The following DLGAP1 variants were observed in gnomAD, a reference collection of about 807,000 sequenced individuals.
The protein encoded by DLGAP1 is DLG associated protein 1.
A neutral mutation model predicts 90.8 loss-of-function variants in DLGAP1; 11 were observed. That is an observed-to-expected ratio of 0.12 (90% confidence interval 0.08 to 0.20). The LOEUF (loss-of-function observed/expected upper bound fraction) is 0.20, where lower values mean the gene tolerates loss of function less well. Ranked by LOEUF, DLGAP1 falls within the 10% of genes least tolerant of loss-of-function variation. DLGAP1 has a pLI of 1.00. For synonymous variants in DLGAP1, 558 were observed against 540.7 expected (o/e 1.03, Z -0.44); for missense variants, 1,050 against 1,333.8 (o/e 0.79, Z 3.31).
At chr18:4,212,234 A>G (rs1013694377) in intron 1 of DLGAP1, among the ~76,000 whole-genome samples, 1 of 152,114 alleles carries the variant, frequency 6.6e-6, no homozygotes, top group Non-Finnish European at 1.5e-5. Context: ...ATCAAACTCA[A>G]TGACTTTGAG....
intron 1 of DLGAP1, among the ~76,000 whole-genome samples, chr18:4,368,944 A>G: frequency 6.6e-6 from 1 of 152,158 alleles, no homozygotes; most frequent in Non-Finnish European, 1.5e-5. Flanking sequence ...TCTATGGCAA[A>G]TATCGATGAG....
At position 3,879,355 on chromosome 18, in the gene DLGAP1, C is replaced by T. The variant is rs760517668; in HGVS notation, c.714G>A (p.Glu238=). Residue 238 remains glutamate, a synonymous_variant, in exon 4 of 13, where the codon GAG becomes GAA. Transcript: ENST00000315677. The surrounding 1 kb of genome is among the most constrained non-coding windows in gnomAD (Gnocchi z 6.6). ...CCTGCTCGCTGATGGTGTTGTAGGC[C>T]TCCAGGAAGTACTGTGAGGCCGAGC... ...PDRSASQYFL[E]AYNTISEQAV... The T allele has an allele frequency of 1.9e-6, 3 of 1,612,838 alleles. No homozygotes were observed. Among genetic ancestry groups the T allele is most frequent in the Non-Finnish European group, 2.5e-6 (3 of 1,179,470 alleles).
rs1422769442 is a variant in DLGAP1, at chr18:3,869,151, TGC to T, written c.957+9959_957+9960del. On this transcript the variant is annotated intron_variant, in intron 4 of 12. Coordinates refer to ENST00000315677, the MANE Select transcript of DLGAP1 (RefSeq NM_004746.4). ...TATGAAAACAAAAGCAAGTGTGTATTGCGTTTTTTTTTTTTTTCCCTGTATGA... is the reference window on the plus strand; with the variant it reads ...TATGAAAACAAAAGCAAGTGTGTATTGTTTTTTTTTTTTTTCCCTGTATGA... Among the ~76,000 whole-genome samples, 89 of 145,254 alleles carry T rather than the reference TGC, an allele frequency of 6.1e-4. 1 individual carries two copies. Among genetic ancestry groups the T allele is most frequent in the African/African-American group, 1.9e-3 (73 of 37,550 alleles).
At chr18:4,151,025 A>T (rs555851558) in intron 2 of DLGAP1, among the ~76,000 whole-genome samples, 155 bp downstream of exon 2, 1 of 152,236 alleles carries the variant, frequency 6.6e-6, no homozygotes. Flanking sequence ...TAAATTCAAC[A>T]GACTGTTAAT....
intron 1 of DLGAP1, among the ~76,000 whole-genome samples, chr18:4,301,557 A>G (rs554792262): frequency 2.0e-5 from 3 of 152,240 alleles, no homozygotes; most frequent in African/African-American, 7.2e-5. Flanking sequence ...GTGGACACAC[A>G]GGTTGATTCC....
intron 1 of DLGAP1, among the ~76,000 whole-genome samples, chr18:4,374,585 A>T (rs1341122314): frequency 2.0e-5 from 3 of 152,148 alleles, no homozygotes; most frequent in African/African-American, 7.2e-5. Flanking sequence ...TAGTTTAAAG[A>T]TTCTCATTTT....
intron 1 of DLGAP1, among the ~76,000 whole-genome samples, chr18:4,430,151 ATT>A (rs2083252796): frequency 6.6e-6 from 1 of 152,162 alleles, no homozygotes; most frequent in Non-Finnish European, 1.5e-5. Flanking sequence ...CACATGGGGT[ATT>A]TCAATGTTGC....
chr18:3,689,090 T>C (rs893771155), intron 7 of DLGAP1, among the ~76,000 whole-genome samples: 3 of 152,210 alleles, frequency 2.0e-5, no homozygotes, highest in Non-Finnish European at 4.4e-5. Context: ...ACAATGTTTT[T>C]GCACACTAAA....
chr18:3,803,208 T>A (rs1226871144), intron 5 of DLGAP1, among the ~76,000 whole-genome samples: 1 of 152,170 alleles, frequency 6.6e-6, no homozygotes, highest in Non-Finnish European at 1.5e-5. Context: ...CCTAGCATTG[T>A]GGAGTGGCTC....
intron 1 of DLGAP1, among the ~76,000 whole-genome samples, chr18:4,213,856 A>G (rs549919225): frequency 6.6e-6 from 1 of 152,268 alleles, no homozygotes; most frequent in Admixed American, 6.5e-5. Flanking sequence ...GAAAATTAAC[A>G]TAGTAAGTGG....
intron 1 of DLGAP1, among the ~76,000 whole-genome samples, chr18:4,231,288 G>C (rs1568462526): frequency 1.3e-5 from 2 of 152,194 alleles, no homozygotes; most frequent in East Asian, 3.9e-4. Flanking sequence ...TTTTCTTATG[G>C]TGTTTGCTCT....
At chr18:3,919,143 C>T (rs990581071) in intron 3 of DLGAP1, among the ~76,000 whole-genome samples, 1 of 152,154 alleles carries the variant, frequency 6.6e-6, no homozygotes, top group African/African-American at 2.4e-5. Context: ...CTTTTTCTGG[C>T]GCTTAGTTTC....
intron 10 of DLGAP1, among the ~76,000 whole-genome samples, chr18:3,521,512 C>T (rs1286790823): frequency 6.6e-6 from 1 of 152,180 alleles, no homozygotes; most frequent in Admixed American, 6.5e-5. Flanking sequence ...AAGCACTAAG[C>T]TGAGACTGTC....
At chr18:3,904,647 T>C (rs2071856557) in intron 3 of DLGAP1, among the ~76,000 whole-genome samples, 1 of 152,224 alleles carries the variant, frequency 6.6e-6, no homozygotes, top group Admixed American at 6.5e-5. Context: ...TTCCTATAGT[T>C]TAACCACTTA....
chr18:3,691,009 G>GGT (rs1157122250), intron 7 of DLGAP1, among the ~76,000 whole-genome samples: 5 of 152,340 alleles, frequency 3.3e-5, no homozygotes, highest in Admixed American at 6.5e-5. Flanking sequence ...ATAGGTGGAA[G>GGT]GTGTATATAA....
intron 4 of DLGAP1, chr18:3,874,738 A>C (rs1478073339): frequency 1.3e-6 from 2 of 1,519,936 alleles, no homozygotes; most frequent in African/African-American, 1.4e-5. Context: ...ACAGACAGTC[A>C]CTGGCAGCGG....
intron 1 of DLGAP1, among the ~76,000 whole-genome samples, chr18:4,400,656 T>C (rs1315987376): frequency 2.0e-5 from 3 of 152,114 alleles, no homozygotes; most frequent in Non-Finnish European, 4.4e-5. Context: ...CCTCTGTGAC[T>C]GAGGAGGCCA....
At position 3,852,046 on chromosome 18, in the gene DLGAP1, C is replaced by T. The variant is rs182207381; in HGVS notation, c.957+27066G>A. On this transcript the variant is annotated intron_variant, in intron 4 of 12. Transcript: ENST00000315677. ...GGATTAGAGAGAAAAGGACATGTAT[C>T]GAATATGGCAAAGGAGAGCCATCAT... is the stretch of plus-strand genomic sequence containing the variant. Among the ~76,000 whole-genome samples, 31 of 152,016 alleles carry T rather than the reference C, an allele frequency of 2.0e-4. No individual in the cohort carries two copies. The South Asian group carries it at 2.3e-3, about 11-fold the overall frequency.
chr18:4,156,400 C>T (rs2076757173), intron 1 of DLGAP1, among the ~76,000 whole-genome samples: 1 of 152,102 alleles, frequency 6.6e-6, no homozygotes, highest in Non-Finnish European at 1.5e-5. Context: ...TGGTATGTAA[C>T]AGGAATGCAA....
Sources: gnomAD v4.1 joint callset for allele counts (sites outside exome capture counted in the v4.1 genomes callset) on GRCh38, gnomAD v4.1.1 for gene constraint, Gnocchi (gnomAD v3.1) non-coding constraint, MANE v1.5 for transcripts, NCBI Gene and HGNC (gene_info 2026-07-23, HGNC 2026-07-21) for gene names.